KIAA1671: variants seen among roughly 807,000 people sequenced by gnomAD.
KIAA1671 encodes KIAA1671.
In KIAA1671, 52 loss-of-function variants were observed where a neutral mutation model predicts 131.2. The ratio of observed to expected loss-of-function variants is 0.40; its 90% CI spans 0.32 to 0.50. KIAA1671 has a LOEUF of 0.50. Ranked by LOEUF, KIAA1671 falls within the 20% of genes least tolerant of loss-of-function variation. The pLI, the probability that KIAA1671 is intolerant of heterozygous loss-of-function variation, is 0.73. For missense variants in KIAA1671, 2,360 were observed against 2,364.2 expected (o/e 1.00, Z 0.04); for synonymous variants, 1,003 against 961.6 (o/e 1.04, Z -0.80).
chr22:25,117,626 C>G (rs1931740579), intron 6 of KIAA1671, among the ~76,000 whole-genome samples: 1 of 151,444 alleles, frequency 6.6e-6, no homozygotes, highest in Non-Finnish European at 1.5e-5. Flanking sequence ...CACACACACA[C>G]ACACACACAC....
intron 6 of KIAA1671, among the ~76,000 whole-genome samples, chr22:25,143,945 A>G (rs890670606): frequency 2.0e-5 from 3 of 151,994 alleles, no homozygotes; most frequent in African/African-American, 7.3e-5. Context: ...CTGAGGTGGG[A>G]GGATCCCTTG....
Position 25,190,735 on chromosome 22 carries a change from A to G in KIAA1671, c.5376A>G (p.Glu1792=), listed in dbSNP as rs780788670. 3.9e-6 allele frequency: 6 copies of G among 1,551,768 alleles called. No individual in the cohort carries two copies. The highest frequency in any genetic ancestry group is 5.2e-6 in the Non-Finnish European group (6 of 1,146,892). The stretch of plus-strand genomic sequence containing the variant: ...AACCCTCTCCCCAGTGGCTAAAGGA[A>G]TTGAAATCCAAGAAGAGGCAAAGTC... ...SDEPSPQWLK[E]LKSKKRQSLY... Residue 1792 remains glutamate (E), a synonymous_variant, in exon 12 of 13, where the codon GAA becomes GAG. Coordinates refer to ENST00000358431, the MANE Select transcript of KIAA1671 (RefSeq NM_001145206.2).
At chr22:25,019,684 CAAAAA>C (rs113527162) in intron 1 of KIAA1671, among the ~76,000 whole-genome samples, 1 of 146,090 alleles carries the variant, frequency 6.8e-6, no homozygotes, top group African/African-American at 2.5e-5. Context: ...ACCTTGAATA[CAAAAA>C]AAAAAAAATC....
At chr22:25,161,644 C>T (rs132894) in intron 6 of KIAA1671, among the ~76,000 whole-genome samples, 102,954 of 152,118 alleles carry the variant, frequency 0.68, 35,129 homozygotes, top group East Asian at 0.82. Context: ...GATGGGAGCA[C>T]GTGTGCCGAG....
At chr22:25,003,117 C>G (rs539799141) in intron 1 of KIAA1671, among the ~76,000 whole-genome samples, 16 of 152,166 alleles carry the variant, frequency 1.1e-4, no homozygotes, top group African/African-American at 3.6e-4. Context: ...TTATTACAAA[C>G]ACATTCATTT....
chr22:25,014,054 C>T (rs1925181751), intron 1 of KIAA1671: 2 of 152,140 alleles, frequency 1.3e-5, no homozygotes, highest in African/African-American at 4.8e-5. Flanking sequence ...ACCAAATAGC[C>T]CACTTCTAGG....
rs117173560 is a variant in KIAA1671 at position 25,077,135 on chromosome 22, G to A, written c.4530+27771G>A. On this transcript the variant is annotated intron_variant, in intron 6 of 12. Coordinates refer to ENST00000358431, the MANE Select transcript of KIAA1671 (RefSeq NM_001145206.2). Reference sequence around the variant, plus strand: ...TTCTATGCATATCAAGCTTTGCAACGAGGAGGATGACAGAAGAATGTGGCA... The same window carrying A: ...TTCTATGCATATCAAGCTTTGCAACAAGGAGGATGACAGAAGAATGTGGCA... Among the ~76,000 whole-genome samples, 100 of 152,296 alleles carry A rather than the reference G, an allele frequency of 6.6e-4. 1 individual carries two copies. The East Asian group carries it at 0.015, about 23-fold the overall frequency.
intron 6 of KIAA1671, chr22:25,050,065 A>G (rs1927453281): frequency 1.3e-5 from 2 of 152,280 alleles, no homozygotes; most frequent in Admixed American, 6.5e-5. Flanking sequence ...ATAGCAAACA[A>G]TAAGTGTCAT....
rs186290692 is a variant in KIAA1671, at chr22:24,988,163, C to T, written c.-208+35391C>T. On this transcript the variant is annotated intron_variant, in intron 1 of 12. Transcript: ENST00000358431. ...TGTGTTATGGCGTGCATCTGTAATC[C>T]CAGCTACTTGGGAGGCTGAGGCAGG... Among the ~76,000 whole-genome samples the T allele has an allele frequency of 2.6e-5, 4 of 152,024 alleles. No homozygotes were observed. In the East Asian group the frequency reaches 7.7e-4, roughly 29 times the overall value.
Position 25,093,802 on chromosome 22 carries a change from C to T in KIAA1671, c.4530+44438C>T, listed in dbSNP as rs1568951373. Among the ~76,000 whole-genome samples, 122 of 141,192 alleles carry T rather than the reference C, an allele frequency of 8.6e-4. 6 individuals are homozygous for T. Among genetic ancestry groups the T allele is most frequent in the Non-Finnish European group, 1.3e-3 (83 of 64,002 alleles). 92.6% of individuals were successfully genotyped at this position (141,192 alleles called of 152,430 possible). On this transcript the variant is annotated intron_variant, in intron 6 of 12. Coordinates refer to ENST00000358431, the MANE Select transcript of KIAA1671 (RefSeq NM_001145206.2). Reference sequence around the variant, plus strand: ...TCTCTCTCTCTCTCTCTCTCTCTCTCTCTCTCTCTGTCTCTCTCTCTTTCT... The same window carrying T: ...TCTCTCTCTCTCTCTCTCTCTCTCTTTCTCTCTCTGTCTCTCTCTCTTTCT...
intron 11 of KIAA1671, among the ~76,000 whole-genome samples, chr22:25,186,816 A>G (rs1432092431): frequency 6.6e-6 from 1 of 152,204 alleles, no homozygotes; most frequent in Admixed American, 6.5e-5. Context: ...ACATTAGAGA[A>G]AGACAGGGCC....
At chr22:25,112,559 A>G in intron 6 of KIAA1671, 1 of 396,664 alleles carries the variant, frequency 2.5e-6, no homozygotes, top group Non-Finnish European at 4.4e-6. Flanking sequence ...AAACCGGGGA[A>G]GTTACTTCTT....
intron 6 of KIAA1671, among the ~76,000 whole-genome samples, chr22:25,139,262 G>GGGAAGGCTGCAGGAAGATGCAGGCTT (rs1568975793): frequency 2.0e-5 from 3 of 152,228 alleles, no homozygotes; most frequent in African/African-American, 7.2e-5. Context: ...GGCTCACCCT[G>GGGAAGGCTGCAGGAAGATGCAGGCTT]GGAAGGCTGC....
intron 1 of KIAA1671, among the ~76,000 whole-genome samples, chr22:24,969,458 A>G (rs1297556656): frequency 6.6e-6 from 1 of 152,240 alleles, no homozygotes; most frequent in Non-Finnish European, 1.5e-5. Context: ...TGACAAAAAA[A>G]AACCTCTGTA....
chr22:25,172,274 C>T (rs1933875740), intron 7 of KIAA1671, among the ~76,000 whole-genome samples: 1 of 152,102 alleles, frequency 6.6e-6, no homozygotes, highest in Admixed American at 6.5e-5. Flanking sequence ...GGAGTGTGGA[C>T]TTAGGTGCAC....
At chr22:25,000,234 C>T (rs1924382186) in intron 1 of KIAA1671, among the ~76,000 whole-genome samples, 1 of 46,650 alleles carries the variant, frequency 2.1e-5, no homozygotes, top group Non-Finnish European at 4.1e-5. Flanking sequence ...CGCTCTGTCG[C>T]CCAGGCTGGA....
chr22:25,082,206 C>T (rs1308844504), intron 6 of KIAA1671, among the ~76,000 whole-genome samples: 7 of 152,184 alleles, frequency 4.6e-5, no homozygotes, highest in Non-Finnish European at 2.9e-5. Flanking sequence ...GTGCCAGCCA[C>T]CACCCCCTCT....
At chr22:25,084,637 C>G (rs541583091) in intron 6 of KIAA1671, among the ~76,000 whole-genome samples, 4 of 152,308 alleles carry the variant, frequency 2.6e-5, no homozygotes, top group African/African-American at 9.6e-5. Flanking sequence ...AACCACTGTT[C>G]ATTATGTCCA....
chr22:25,081,537 C>T (rs758541361), intron 6 of KIAA1671, among the ~76,000 whole-genome samples: 6 of 152,118 alleles, frequency 3.9e-5, no homozygotes, highest in African/African-American at 7.2e-5. Context: ...AAGTTGCTGG[C>T]TGCCTCGAGG....
Sources: allele counts gnomAD v4.1 joint callset (sites outside exome capture counted in the v4.1 genomes callset), GRCh38; gene constraint gnomAD v4.1.1; transcripts MANE v1.5; gene names NCBI Gene and HGNC (gene_info 2026-07-23, HGNC 2026-07-21).